Variants in UBAC2 observed in about 807,000 individuals in gnomAD.
UBAC2 encodes UBA domain containing 2, also known as ubiquitin-associated domain-containing protein 2.
Under a neutral mutation model 44.0 loss-of-function variants are expected in UBAC2, and 26 were observed. The observed-to-expected ratio is 0.59, with a 90% CI of 0.43 to 0.82. The LOEUF (loss-of-function observed/expected upper bound fraction) is 0.82. Among genes scored for constraint, UBAC2 ranks in the 40% least tolerant of loss-of-function variants. The pLI, the probability that UBAC2 is intolerant of heterozygous loss-of-function variation, is 0.00. For missense variants in UBAC2, 329 were observed against 419.4 expected, an observed-to-expected ratio of 0.78 and a Z score of 1.88; for synonymous variants, 155 against 154.3, an observed-to-expected ratio of 1.00 and a Z score of -0.04.
chr13:99,340,548 C>A lies in UBAC2; in HGVS notation c.790C>A (p.Arg264=), dbSNP rs566198791. ...LMFSQFAQGR[R]QRQQQGGMIN... Reference sequence around the variant, plus strand: ...GTTCTCTCAGTTTGCACAAGGGAGGCGACAGAGACAGCAGCAGGTAAAAGT... The same window carrying A: ...GTTCTCTCAGTTTGCACAAGGGAGGAGACAGAGACAGCAGCAGGTAAAAGT... Residue 264 remains arginine, a synonymous_variant, in exon 7 of 9, where the codon CGA becomes AGA. Transcript: ENST00000403766. The A allele has an allele frequency of 1.2e-6, 2 of 1,613,212 alleles. No homozygotes were observed. The highest frequency in any genetic ancestry group is 1.7e-6 in the Non-Finnish European group (2 of 1,179,428).
At chr13:99,218,461 G>A (rs1441948907) in intron 1 of UBAC2, among the ~76,000 whole-genome samples, 1 of 149,430 alleles carries the variant, frequency 6.7e-6, no homozygotes, top group Non-Finnish European at 1.5e-5. Context: ...CACATTTTTT[G>A]TATCTAGAGG....
chr13:99,205,743 C>T (rs1181247085), intron 1 of UBAC2: 2 of 161,354 alleles, frequency 1.2e-5, no homozygotes, highest in East Asian at 1.7e-4. Context: ...CATCTGTCAC[C>T]CCATTGATCG....
chr13:99,249,265 C>T (rs900515519), intron 4 of UBAC2, among the ~76,000 whole-genome samples: 1 of 152,044 alleles, frequency 6.6e-6, no homozygotes, highest in African/African-American at 2.4e-5. Context: ...GTGTTTAGCT[C>T]CCACTTTTAA....
chr13:99,230,920 G>A lies in UBAC2; in HGVS notation c.32-7507G>A, dbSNP rs1291856983. 2.6e-5 allele frequency among the ~76,000 whole-genome samples: 4 copies of A among 152,186 alleles called. No homozygotes were observed. In the South Asian group the frequency reaches 6.2e-4, roughly 24 times the overall value. On this transcript the variant is annotated intron_variant, in intron 1 of 8. Coordinates refer to ENST00000403766, the MANE Select transcript of UBAC2 (RefSeq NM_001144072.2). ...AAAAATTAGCTGGATGTGGTGGCAC[G>A]TGCCTGTAGTCCCAGCTACTCAGGG...
chr13:99,254,163 C>A (rs1339458809), intron 4 of UBAC2, among the ~76,000 whole-genome samples: 1 of 152,122 alleles, frequency 6.6e-6, no homozygotes, highest in Non-Finnish European at 1.5e-5. Context: ...GAAGAGCAAA[C>A]TGTTTGTATT....
At chr13:99,221,695 G>A (rs1283150117) in intron 1 of UBAC2, among the ~76,000 whole-genome samples, 3 of 152,152 alleles carry the variant, frequency 2.0e-5, no homozygotes, top group African/African-American at 4.8e-5. Flanking sequence ...TTCCACCTGG[G>A]ATGGTAGTTG....
At chr13:99,343,753 G>C (rs146020941) in intron 7 of UBAC2, among the ~76,000 whole-genome samples, 1 of 152,214 alleles carries the variant, frequency 6.6e-6, no homozygotes, top group Non-Finnish European at 1.5e-5. Flanking sequence ...TCACTCAGCT[G>C]TGTCTCAGTT....
chr13:99,302,475 T>A (rs547131394), intron 4 of UBAC2, among the ~76,000 whole-genome samples: 2 of 152,366 alleles, frequency 1.3e-5, no homozygotes, highest in East Asian at 3.9e-4. Context: ...ATTCATTACT[T>A]CTTCCTCTGG....
intron 6 of UBAC2, among the ~76,000 whole-genome samples, chr13:99,337,531 G>T (rs375208806): frequency 1.3e-5 from 2 of 151,988 alleles, no homozygotes; most frequent in East Asian, 3.9e-4. Context: ...TGTAAATTTC[G>T]TTTTAGCATT....
chr13:99,201,437 AAG>A, intron 1 of UBAC2: 1 of 1,613,910 alleles, frequency 6.2e-7, no homozygotes, highest in South Asian at 1.1e-5. Context: ...AGTCTCCAAG[AAG>A]AGTTTTTAGA....
At chr13:99,254,147 A>T (rs944587423) in intron 4 of UBAC2, among the ~76,000 whole-genome samples, 1 of 152,208 alleles carries the variant, frequency 6.6e-6, no homozygotes, top group Non-Finnish European at 1.5e-5. Context: ...ATCTTCAACC[A>T]CATAAGAAGA....
Position 99,383,668 on chromosome 13 carries a change from G to A in UBAC2, c.928-1560G>A, listed in dbSNP as rs573245075. ...TGCTAAGGGTTGAAAGCAACGTTCC[G>A]GGGAGGAGCACGCTCACTGCGTGCA... On this transcript the variant is annotated intron_variant, in intron 8 of 8. Coordinates refer to ENST00000403766, the MANE Select transcript of UBAC2 (RefSeq NM_001144072.2). Among the ~76,000 whole-genome samples, 27 of 152,376 alleles carry A rather than the reference G, an allele frequency of 1.8e-4. No individual in the cohort carries two copies. The South Asian group carries it at 2.1e-3, about 12-fold the overall frequency.
At chr13:99,334,095 C>T (rs765406518) in intron 6 of UBAC2, among the ~76,000 whole-genome samples, 1 of 152,072 alleles carries the variant, frequency 6.6e-6, no homozygotes, top group African/African-American at 2.4e-5. Flanking sequence ...TACAGGCATG[C>T]ACCACCATGC....
intron 6 of UBAC2, among the ~76,000 whole-genome samples, chr13:99,330,476 A>AAAAAAAAAAAAAAAAAAAAAAAC: frequency 6.7e-6 from 1 of 149,506 alleles, no homozygotes; most frequent in Non-Finnish European, 1.5e-5. Flanking sequence ...AAAAAAAAAA[A>AAAAAAAAAAAAAAAAAAAAAAAC]GAAATACAGT....
intron 4 of UBAC2, among the ~76,000 whole-genome samples, chr13:99,310,748 G>C (rs1165568829): frequency 1.3e-5 from 2 of 152,174 alleles, no homozygotes; most frequent in African/African-American, 4.8e-5. Flanking sequence ...ATTTCTACCA[G>C]TATTTTTTTT....
At chr13:99,201,600 A>G (rs2042800980) in intron 1 of UBAC2, 2 of 1,611,378 alleles carry the variant, frequency 1.2e-6, no homozygotes, top group Non-Finnish European at 1.7e-6. Context: ...AGCCAGTTAA[A>G]CGGCTTTTCT....
At chr13:99,281,155 C>T (rs758441020) in intron 4 of UBAC2, among the ~76,000 whole-genome samples, 1 of 151,870 alleles carries the variant, frequency 6.6e-6, no homozygotes, top group Non-Finnish European at 1.5e-5. Flanking sequence ...CACCATGGTA[C>T]TCCAGCCTGG....
intron 8 of UBAC2, among the ~76,000 whole-genome samples, chr13:99,379,760 C>T (rs1050679515): frequency 2.0e-5 from 3 of 152,234 alleles, no homozygotes; most frequent in African/African-American, 4.8e-5. Context: ...TCCTGTAAGA[C>T]GTTTCACACT....
chr13:99,287,017 A>G (rs1339550501), intron 4 of UBAC2, among the ~76,000 whole-genome samples: 3 of 152,186 alleles, frequency 2.0e-5, no homozygotes, highest in African/African-American at 7.2e-5. Context: ...TTAGAAATTT[A>G]TTACAGAAAT....
Sources: allele counts gnomAD v4.1 joint callset (sites outside exome capture counted in the v4.1 genomes callset), GRCh38; gene constraint gnomAD v4.1.1; transcripts MANE v1.5; gene names NCBI Gene and HGNC (gene_info 2026-07-23, HGNC 2026-07-21).